AEN: variants seen among roughly 807,000 people sequenced by gnomAD.
AEN encodes apoptosis enhancing nuclease.
Under a neutral mutation model 17.7 loss-of-function variants are expected in AEN, and 21 were observed. The ratio of observed to expected loss-of-function variants is 1.19; its 90% CI spans 0.84 to 1.71. AEN has a LOEUF of 1.71. Among genes scored for constraint, AEN ranks in the 40% most tolerant of loss-of-function variants. The pLI, the probability that AEN is intolerant of heterozygous loss-of-function variation, is 0.00. For missense variants in AEN, 462 were observed against 435.9 expected, an observed-to-expected ratio of 1.06 and a Z score of -0.53; for synonymous variants, 190 against 173.0, an observed-to-expected ratio of 1.10 and a Z score of -0.77.
chr15:88,612,652 G>C, the AEN span, among the ~76,000 whole-genome samples: 1 of 151,414 alleles, frequency 6.6e-6, no homozygotes, highest in African/African-American at 2.4e-5. Context: ...CCAGGCTGGA[G>C]TGCAGTGGTA....
At chr15:88,611,264 C>T in the AEN span, among the ~76,000 whole-genome samples, 1 of 151,860 alleles carries the variant, frequency 6.6e-6, no homozygotes, top group Non-Finnish European at 1.5e-5. Flanking sequence ...GAGCCACTTG[C>T]CTGCTTCTCT....
the AEN span, among the ~76,000 whole-genome samples, chr15:88,610,660 C>A: frequency 6.6e-6 from 1 of 152,102 alleles, no homozygotes; most frequent in East Asian, 1.9e-4. Context: ...ACCAGGCAAG[C>A]CCCCACCCCC....
intron 1 of AEN, chr15:88,621,638 A>G (rs902600866): frequency 2.6e-5 from 4 of 152,268 alleles, no homozygotes; most frequent in Non-Finnish European, 5.9e-5. Context: ...GCGGCCAGCA[A>G]GTGACCAACG....
At chr15:88,625,742 G>A (rs1263880055) in intron 1 of AEN, among the ~76,000 whole-genome samples, 1 of 152,080 alleles carries the variant, frequency 6.6e-6, no homozygotes, top group African/African-American at 2.4e-5. Context: ...AAAAATCACA[G>A]CAGAAAAAAA....
the AEN span, among the ~76,000 whole-genome samples, chr15:88,608,388 C>T: frequency 1.1e-4 from 17 of 152,342 alleles, no homozygotes; most frequent in Admixed American, 1.1e-3. Flanking sequence ...ATACATTGTC[C>T]TATGGCTTTT....
the AEN span, among the ~76,000 whole-genome samples, chr15:88,616,174 AC>A: frequency 6.6e-6 from 1 of 151,968 alleles, no homozygotes; most frequent in Non-Finnish European, 1.5e-5. Flanking sequence ...GCTCACTGCA[AC>A]CTCTGCCTCC....
At position 88,629,326 on chromosome 15, in the gene AEN, C is replaced by T. The variant is rs753776238; in HGVS notation, c.641C>T (p.Thr214Met). The part of the protein sequence containing the change: ...YVHPRSQTRD[T>M]TYVPNFLSEP... ...CACCCTCGGAGCCAGACCCGGGATA[C>T]GACCTATGTCCCAAACTTCCTCAGC... Residue 214 changes from threonine (T) to methionine (M), a missense_variant, in exon 3 of 4, where the codon ACG becomes ATG. By Grantham distance (81) the Thr-to-Met change is moderately conservative. Transcript: ENST00000332810. 7 of 1,613,994 alleles carry T rather than the reference C, an allele frequency of 4.3e-6. No individual in the cohort carries two copies. Among genetic ancestry groups the T allele is most frequent in the Admixed American group, 1.7e-5 (1 of 59,994 alleles).
intron 1 of AEN, among the ~76,000 whole-genome samples, chr15:88,622,136 T>C (rs965707748): frequency 6.6e-6 from 1 of 152,108 alleles, no homozygotes; most frequent in South Asian, 2.1e-4. Flanking sequence ...GATTCTGACT[T>C]CTTGGTTCCT....
intron 1 of AEN, among the ~76,000 whole-genome samples, chr15:88,624,275 G>A (rs1792492111): frequency 6.6e-6 from 1 of 152,186 alleles, no homozygotes; most frequent in Non-Finnish European, 1.5e-5. Flanking sequence ...TTCCAGAAGG[G>A]CTTCTGGGTG....
upstream of AEN, among the ~76,000 whole-genome samples, chr15:88,619,814 A>C (rs1217931068): frequency 6.6e-6 from 1 of 152,084 alleles, no homozygotes; most frequent in African/African-American, 2.4e-5. Flanking sequence ...GCTGCCTCCT[A>C]AGTAGCATTT....
At chr15:88,616,645 G>A (rs2057740804), upstream of AEN, among the ~76,000 whole-genome samples, 1 of 152,220 alleles carries the variant, frequency 6.6e-6, no homozygotes, top group African/African-American at 2.4e-5. Context: ...TATGATAAAT[G>A]TAAGTATAGA....
At chr15:88,612,258 G>A in the AEN span, among the ~76,000 whole-genome samples, 13 of 152,284 alleles carry the variant, frequency 8.5e-5, no homozygotes, top group African/African-American at 3.1e-4. Flanking sequence ...GGGGCTCAGG[G>A]CCTCATTGTC....
intron 1 of AEN, among the ~76,000 whole-genome samples, chr15:88,625,538 A>G (rs2057840093): frequency 6.6e-6 from 1 of 152,206 alleles, no homozygotes; most frequent in South Asian, 2.1e-4. Context: ...AATAAATTAC[A>G]GTTGGTTATC....
At chr15:88,626,063 T>G in intron 1 of AEN, 83 bp from the exon 2 acceptor site, 1 of 860,906 alleles carries the variant, frequency 1.2e-6, no homozygotes, top group Non-Finnish European at 1.6e-6. Flanking sequence ...CCCACCGTGG[T>G]GCACTGCAGG....
At chr15:88,604,846 TG>T in the AEN span, 97 of 152,496 alleles carry the variant, frequency 6.4e-4, no homozygotes, top group African/African-American at 2.1e-3. This position sits in a 1 kb window ranked among gnomAD's most constrained non-coding sequence, Gnocchi z 8.1. Flanking sequence ...CTGCGGCTCC[TG>T]GGGGGAAGCA....
the AEN span, among the ~76,000 whole-genome samples, chr15:88,614,048 A>G: frequency 6.6e-6 from 1 of 152,130 alleles, no homozygotes; most frequent in African/African-American, 2.4e-5. Context: ...CCAGATCAGT[A>G]TCTTGCCCAT....
chr15:88,608,942 A>T, the AEN span, among the ~76,000 whole-genome samples: 1 of 152,216 alleles, frequency 6.6e-6, no homozygotes, highest in African/African-American at 2.4e-5. Context: ...TGCACCAAAT[A>T]GTCCTACTCA....
chr15:88,609,527 G>C, the AEN span, among the ~76,000 whole-genome samples: 1 of 152,170 alleles, frequency 6.6e-6, no homozygotes, highest in Non-Finnish European at 1.5e-5. Flanking sequence ...AGGTAAAAGA[G>C]AGGAGGGGTT....
the AEN span, among the ~76,000 whole-genome samples, chr15:88,613,219 C>G: frequency 2.0e-5 from 3 of 152,150 alleles, no homozygotes; most frequent in African/African-American, 7.2e-5. Context: ...CTCTCTGAAC[C>G]AAGTCAGCCC....
Sources: gnomAD v4.1 joint callset for allele counts (sites outside exome capture counted in the v4.1 genomes callset) on GRCh38, gnomAD v4.1.1 for gene constraint, Gnocchi (gnomAD v3.1) non-coding constraint, MANE v1.5 for transcripts, NCBI Gene and HGNC (gene_info 2026-07-23, HGNC 2026-07-21) for gene names.